MAP2K4: variants seen among roughly 807,000 people sequenced by gnomAD.
MAP2K4 encodes mitogen-activated protein kinase kinase 4, also known as dual specificity mitogen-activated protein kinase kinase 4.
MAP2K4 carries 4 observed loss-of-function variants against 48.5 expected under a neutral mutation model. The ratio of observed to expected loss-of-function variants is 0.08; its 90% CI spans 0.04 to 0.19. The LOEUF is 0.19. Among genes scored for constraint, MAP2K4 ranks in the 10% least tolerant of loss-of-function variants. MAP2K4 has a pLI of 1.00. For missense variants in MAP2K4, 258 were observed against 493.3 expected (o/e 0.52, Z 4.52); for synonymous variants, 166 against 173.1 (o/e 0.96, Z 0.32).
intron 7 of MAP2K4, among the ~76,000 whole-genome samples, chr17:12,123,829 T>C (rs1972769024): frequency 6.6e-6 from 1 of 152,214 alleles, no homozygotes; most frequent in African/African-American, 2.4e-5. Context: ...TTGAGGACTT[T>C]GCAGATATCT....
At chr17:12,105,463 A>G (rs1972078142) in intron 4 of MAP2K4, among the ~76,000 whole-genome samples, 1 of 152,076 alleles carries the variant, frequency 6.6e-6, no homozygotes, top group South Asian at 2.1e-4. Context: ...TTATTGGTAT[A>G]TGTTATTGGT....
intron 8 of MAP2K4, among the ~76,000 whole-genome samples, chr17:12,127,340 G>A (rs1159044364): frequency 6.6e-6 from 1 of 152,154 alleles, no homozygotes; most frequent in Non-Finnish European, 1.5e-5. Flanking sequence ...AAAGACTGCA[G>A]CAAGACCTAG....
intron 1 of MAP2K4, among the ~76,000 whole-genome samples, chr17:12,045,848 T>G (rs2151519617): frequency 6.6e-6 from 1 of 152,316 alleles, no homozygotes; most frequent in Non-Finnish European, 1.5e-5. Context: ...GGATTTCTGT[T>G]GATATACTCA....
intron 9 of MAP2K4, among the ~76,000 whole-genome samples, chr17:12,139,007 C>T (rs1430150356): frequency 6.6e-6 from 1 of 152,140 alleles, no homozygotes. Flanking sequence ...AGAATAAGTC[C>T]TTCCTTCTTA....
chr17:12,079,294 T>C (rs536023574), intron 2 of MAP2K4, among the ~76,000 whole-genome samples: 8 of 152,344 alleles, frequency 5.3e-5, no homozygotes, highest in Non-Finnish European at 8.8e-5. Flanking sequence ...TATTCCATAA[T>C]ACTAAAATTT....
intron 1 of MAP2K4, chr17:12,021,657 G>A (rs1197342528): frequency 6.7e-6 from 1 of 150,036 alleles, no homozygotes; most frequent in Non-Finnish European, 1.5e-5. Context: ...CACCTGTAAG[G>A]TAGGTAGGCT....
At chr17:12,116,831 A>G (rs1415910409) in intron 7 of MAP2K4, among the ~76,000 whole-genome samples, 2 of 152,146 alleles carry the variant, frequency 1.3e-5, no homozygotes, top group Non-Finnish European at 2.9e-5. Context: ...CTTTTTTTTA[A>G]ATAAGTAGAA....
At chr17:12,045,734 A>G (rs945287223) in intron 1 of MAP2K4, among the ~76,000 whole-genome samples, 3 of 152,208 alleles carry the variant, frequency 2.0e-5, no homozygotes, top group Non-Finnish European at 4.4e-5. Flanking sequence ...GAGGTTATCA[A>G]AGTGGCCTGT....
chr17:12,137,886 A>T (rs892102904), intron 9 of MAP2K4, among the ~76,000 whole-genome samples: 2 of 152,016 alleles, frequency 1.3e-5, no homozygotes, highest in African/African-American at 4.8e-5. Flanking sequence ...AAAGGTATAA[A>T]TTTACCTTTT....
intron 3 of MAP2K4, among the ~76,000 whole-genome samples, chr17:12,094,623 C>T (rs946069087): frequency 1.3e-5 from 2 of 152,258 alleles, no homozygotes; most frequent in South Asian, 4.1e-4. Flanking sequence ...TGATGTTAAA[C>T]TATAATTTTA....
In MAP2K4 at chr17:12,141,976, A is replaced by G. The variant is rs28921113; in HGVS notation, c.*716A>G. 2.0e-3 allele frequency: 459 copies of G among 233,132 alleles called. 5 individuals carry two copies. The East Asian group carries it at 0.022, about 11-fold the overall frequency. The allele number at this position is 233,132 out of a possible 1,614,324, so 14.4% of individuals were successfully genotyped here. On this transcript the variant is annotated 3_prime_UTR_variant, in exon 11 of 11. Transcript: ENST00000353533. ...TGTTCTTTTCTCCTTTACCAGTCCT[A>G]TTTTTCAATGGGAAGACTCAGGAGT...
intron 2 of MAP2K4, among the ~76,000 whole-genome samples, chr17:12,059,498 TTTATC>T (rs1970383887): frequency 6.6e-6 from 1 of 152,210 alleles, no homozygotes. Flanking sequence ...GAACATCCCT[TTTATC>T]TTCATAACAT....
chr17:12,125,003 T>G (rs191011528), intron 7 of MAP2K4: 15 of 368,796 alleles, frequency 4.1e-5, no homozygotes, highest in Admixed American at 7.8e-5. Context: ...TTTTCCAGTT[T>G]TCTTCCTTTG....
At chr17:12,022,005 A>C (rs1046356214) in intron 1 of MAP2K4, among the ~76,000 whole-genome samples, 6 of 152,200 alleles carry the variant, frequency 3.9e-5, no homozygotes, top group Non-Finnish European at 8.8e-5. Flanking sequence ...AAAACAGGGA[A>C]TCTCAGAACT....
At chr17:12,060,664 T>C (rs998827237) in intron 2 of MAP2K4, among the ~76,000 whole-genome samples, 7 of 152,118 alleles carry the variant, frequency 4.6e-5, no homozygotes, top group Non-Finnish European at 8.8e-5. Flanking sequence ...GCGGTAATGG[T>C]AGAAGTATTT....
intron 1 of MAP2K4, among the ~76,000 whole-genome samples, chr17:12,035,099 G>C (rs1162050063): frequency 6.6e-6 from 1 of 152,198 alleles, no homozygotes; most frequent in Non-Finnish European, 1.5e-5. Context: ...TTCTAAATCT[G>C]GTCCTGTGAT....
At chr17:12,038,177 A>T (rs7216687) in intron 1 of MAP2K4, among the ~76,000 whole-genome samples, 59,463 of 151,962 alleles carry the variant, frequency 0.39, 12,090 homozygotes, top group East Asian at 0.58. Context: ...GTTTCCAGAG[A>T]GTATTCCCAA....
chr17:12,047,987 A>G (rs1040704800), intron 1 of MAP2K4, among the ~76,000 whole-genome samples: 1 of 152,192 alleles, frequency 6.6e-6, no homozygotes, highest in East Asian at 1.9e-4. Flanking sequence ...CATCTTGGAA[A>G]AGAATTTTCT....
chr17:12,095,542 G>T (rs199630358), intron 3 of MAP2K4, 33 bp from the exon 4 acceptor site: 87 of 1,612,050 alleles, frequency 5.4e-5, no homozygotes, highest in South Asian at 1.3e-4. Flanking sequence ...AAATTATTGT[G>T]TTTTTTTGAC....
Sources: allele counts gnomAD v4.1 joint callset (sites outside exome capture counted in the v4.1 genomes callset), GRCh38; gene constraint gnomAD v4.1.1; transcripts MANE v1.5; gene names NCBI Gene and HGNC (gene_info 2026-07-23, HGNC 2026-07-21).